The following PRMT3 variants were observed in gnomAD, a reference collection of about 807,000 sequenced individuals.
PRMT3 encodes protein arginine N-methyltransferase 3.
In PRMT3, 62 loss-of-function variants were observed where a neutral mutation model predicts 71.9. That is an observed-to-expected ratio of 0.86 (90% CI 0.70 to 1.07). The LOEUF is 1.07. Ranked by LOEUF, PRMT3 falls within the 50% of genes least tolerant of loss-of-function variation. The probability of loss-of-function intolerance (pLI) is 0.00; values close to 1 mark genes in which losing one functional copy is unlikely to be tolerated. For missense variants in PRMT3, 663 were observed against 643.0 expected, an observed-to-expected ratio of 1.03 and a Z score of -0.34; for synonymous variants, 213 against 220.4, an observed-to-expected ratio of 0.97 and a Z score of 0.30.
chr11:20,491,218 T>A (rs1248312223), intron 13 of PRMT3, among the ~76,000 whole-genome samples: 1 of 152,238 alleles, frequency 6.6e-6, no homozygotes, highest in Non-Finnish European at 1.5e-5. Flanking sequence ...GCTGAGAATT[T>A]CTGTCTTTTG....
intron 4 of PRMT3, among the ~76,000 whole-genome samples, chr11:20,392,599 TTC>T (rs1237495202): frequency 2.0e-5 from 3 of 151,952 alleles, no homozygotes; most frequent in Non-Finnish European, 4.4e-5. Context: ...CTCTTTTTTA[TTC>T]TGTTTTTTTT....
At chr11:20,392,603 G>GT (rs963640174) in intron 4 of PRMT3, among the ~76,000 whole-genome samples, 21 of 141,258 alleles carry the variant, frequency 1.5e-4, no homozygotes, top group South Asian at 6.9e-4. Flanking sequence ...TTTTTATTCT[G>GT]TTTTTTTTCA....
chr11:20,407,226 TAGTTTTGTA>T (rs1009542210), intron 8 of PRMT3: 3 of 152,206 alleles, frequency 2.0e-5, no homozygotes, highest in Non-Finnish European at 4.4e-5. Context: ...TTTCATTTTT[TAGTTTTGTA>T]AATGTTTTAT....
intron 13 of PRMT3, among the ~76,000 whole-genome samples, chr11:20,473,046 T>G (rs1409411697): frequency 6.6e-6 from 1 of 152,170 alleles, no homozygotes; most frequent in Non-Finnish European, 1.5e-5. Context: ...TTTTATAGTT[T>G]TCTTTGATGG....
At chr11:20,506,414 T>C (rs935831354) in intron 15 of PRMT3, among the ~76,000 whole-genome samples, 4 of 152,204 alleles carry the variant, frequency 2.6e-5, no homozygotes, top group Non-Finnish European at 4.4e-5. Context: ...ATTGTTATAT[T>C]TTGTTGAATG....
At chr11:20,458,857 C>T (rs1375756685) in intron 11 of PRMT3, among the ~76,000 whole-genome samples, 1 of 152,146 alleles carries the variant, frequency 6.6e-6, no homozygotes, top group East Asian at 1.9e-4. Context: ...AGTTTCTCTT[C>T]TAATTACCAA....
intron 5 of PRMT3, among the ~76,000 whole-genome samples, chr11:20,394,776 G>A (rs1848789567): frequency 6.6e-6 from 1 of 152,120 alleles, no homozygotes; most frequent in Admixed American, 6.6e-5. Flanking sequence ...ACTCTCTGCT[G>A]CTGTGAGTTT....
rs1351585497 is a variant in PRMT3, at chr11:20,387,777, GGGT to G, written c.28+4_28+6del. On this transcript the variant is annotated splice_donor_5th_base_variant and intron_variant, in intron 1 of 15. Transcript: ENST00000331079. The surrounding 1 kb of genome is among the most constrained non-coding windows in gnomAD (Gnocchi z 4.3). The stretch of plus-strand genomic sequence containing the variant: ...CTCGTTAGCGTCAGGCGCTACCGGT[GGGT>G]ACCCTGGCCCCTCAGCACCCGGCTC... 3 of 1,541,894 alleles carry G rather than the reference GGGT, an allele frequency of 1.9e-6. No individual in the cohort carries two copies. Among genetic ancestry groups the G allele is most frequent in the Admixed American group, 2.0e-5 (1 of 50,902 alleles).
chr11:20,417,920 C>T (rs1849343693), intron 9 of PRMT3, among the ~76,000 whole-genome samples: 1 of 152,142 alleles, frequency 6.6e-6, no homozygotes, highest in Non-Finnish European at 1.5e-5. Context: ...ATCATTTGAG[C>T]TTCCATAGTC....
At chr11:20,482,144 G>A (rs1232985303) in intron 13 of PRMT3, among the ~76,000 whole-genome samples, 1 of 148,420 alleles carries the variant, frequency 6.7e-6, no homozygotes, top group Non-Finnish European at 1.5e-5. Context: ...TCGTGTGCTT[G>A]ATCCTCTTTT....
chr11:20,467,136 T>G (rs763385167), intron 13 of PRMT3, among the ~76,000 whole-genome samples: 19 of 152,176 alleles, frequency 1.2e-4, no homozygotes, highest in Non-Finnish European at 2.4e-4. Flanking sequence ...TACAAACCAT[T>G]TATTGGATGC....
chr11:20,484,999 G>A (rs1271672778), intron 13 of PRMT3, among the ~76,000 whole-genome samples: 2 of 152,198 alleles, frequency 1.3e-5, no homozygotes, highest in African/African-American at 4.8e-5. Flanking sequence ...AAAGACTTGT[G>A]TAGCCCTTTT....
chr11:20,479,091 TG>T (rs1850867279), intron 13 of PRMT3, among the ~76,000 whole-genome samples: 2 of 152,320 alleles, frequency 1.3e-5, no homozygotes, highest in African/African-American at 2.4e-5. Context: ...TTTTATGTCT[TG>T]GGGGAGAACA....
At chr11:20,504,015 C>T (rs1348807249) in intron 15 of PRMT3, among the ~76,000 whole-genome samples, 1 of 151,986 alleles carries the variant, frequency 6.6e-6, no homozygotes, top group Non-Finnish European at 1.5e-5. Flanking sequence ...TATTTTAAGC[C>T]GTTTTGAGTA....
chr11:20,404,801 A>T (rs1849036086), intron 8 of PRMT3, among the ~76,000 whole-genome samples: 1 of 152,156 alleles, frequency 6.6e-6, no homozygotes, highest in African/African-American at 2.4e-5. Context: ...CTGTAAGGTG[A>T]TTGTAAAAAT....
chr11:20,454,073 C>T (rs1850214449), intron 11 of PRMT3, among the ~76,000 whole-genome samples: 1 of 152,168 alleles, frequency 6.6e-6, no homozygotes, highest in Admixed American at 6.5e-5. Context: ...ATTTATGTTA[C>T]TAGACATAAT....
At chr11:20,502,559 TTAC>T (rs1851483027) in intron 15 of PRMT3, among the ~76,000 whole-genome samples, 1 of 152,228 alleles carries the variant, frequency 6.6e-6, no homozygotes, top group Admixed American at 6.5e-5. Context: ...CAAATATCCA[TTAC>T]TAATTCATTT....
At chr11:20,424,920 A>G (rs971811242) in intron 9 of PRMT3, among the ~76,000 whole-genome samples, 1 of 152,166 alleles carries the variant, frequency 6.6e-6, no homozygotes, top group Admixed American at 6.5e-5. Context: ...CAGCCACAAC[A>G]TAGAGAAGCC....
intron 15 of PRMT3, among the ~76,000 whole-genome samples, chr11:20,502,846 AAAG>A (rs3993133): frequency 0.019 from 2,925 of 152,272 alleles, 90 homozygotes; most frequent in African/African-American, 0.065. Context: ...TTCAATGAGA[AAAG>A]AAGTAAGGTA....
Sources: allele counts gnomAD v4.1 joint callset (sites outside exome capture counted in the v4.1 genomes callset), GRCh38; gene constraint gnomAD v4.1.1; non-coding constraint Gnocchi (gnomAD v3.1); transcripts MANE v1.5; gene names NCBI Gene and HGNC (gene_info 2026-07-23, HGNC 2026-07-21).